The following OPRM1 variants were observed in gnomAD, a reference collection of about 807,000 sequenced individuals.
The protein encoded by OPRM1 is mu-type opioid receptor.
OPRM1 carries 27 observed loss-of-function variants against 31.8 expected under a neutral mutation model. The ratio of observed to expected loss-of-function variants is 0.85; its 90% confidence interval spans 0.63 to 1.17. OPRM1 has a LOEUF of 1.17. Ranked by LOEUF, OPRM1 falls within the 50% of genes most tolerant of loss-of-function variation. The probability of loss-of-function intolerance (pLI) is 0.00; values close to 1 mark genes in which losing one functional copy is unlikely to be tolerated. For missense variants in OPRM1, 536 were observed against 511.1 expected (o/e 1.05, Z -0.47); for synonymous variants, 196 against 189.9 (o/e 1.03, Z -0.26).
At chr6:154,094,993 A>T (rs1446003809) in intron 3 of OPRM1, among the ~76,000 whole-genome samples, 1 of 152,198 alleles carries the variant, frequency 6.6e-6, no homozygotes, top group East Asian at 1.9e-4. Flanking sequence ...CTAGCACATT[A>T]AAAAGAAAGT....
chr6:154,065,309 C>T (rs1785175501), intron 1 of OPRM1, among the ~76,000 whole-genome samples: 1 of 151,986 alleles, frequency 6.6e-6, no homozygotes, highest in African/African-American at 2.4e-5. Flanking sequence ...GCCACCATGC[C>T]TAGCTAATTT....
At chr6:154,079,188 TG>T (rs1788554635) in intron 1 of OPRM1, among the ~76,000 whole-genome samples, 1 of 152,230 alleles carries the variant, frequency 6.6e-6, no homozygotes, top group Admixed American at 6.5e-5. Flanking sequence ...ACCTCTCGCC[TG>T]ACTGGAATTC....
At chr6:154,015,667 TAA>T (rs918216283) in intron 1 of OPRM1, among the ~76,000 whole-genome samples, 1 of 151,394 alleles carries the variant, frequency 6.6e-6, no homozygotes, top group Non-Finnish European at 1.5e-5. Context: ...ATACATAAAA[TAA>T]AAAGATATTT....
At position 154,127,439 on chromosome 6, in the gene OPRM1, C is replaced by T. The variant is rs1797655648; in HGVS notation, c.*8718C>T. On this transcript the variant is annotated 3_prime_UTR_variant, in exon 4 of 4. Transcript: ENST00000330432. Reference sequence around the variant, plus strand: ...GAGGTTTTGTTTGGGTTTTTTGTTGCTGTTGCTTGTTTATTTGTTTGTTGT... The same window carrying T: ...GAGGTTTTGTTTGGGTTTTTTGTTGTTGTTGCTTGTTTATTTGTTTGTTGT... 6.6e-6 allele frequency among the ~76,000 whole-genome samples: 1 copy of T among 152,052 alleles called. No individual in the cohort carries two copies. The highest frequency in any genetic ancestry group is 1.5e-5 in the Non-Finnish European group (1 of 68,010).
chr6:154,147,740 G>A (rs1398157564), intron 3 of OPRM1, among the ~76,000 whole-genome samples: 1 of 152,168 alleles, frequency 6.6e-6, no homozygotes, highest in Non-Finnish European at 1.5e-5. Context: ...TAAGTGTCAG[G>A]CATAGGTTTA....
intron 3 of OPRM1, chr6:154,199,541 C>A: frequency 3.6e-6 from 4 of 1,121,210 alleles, no homozygotes; most frequent in Non-Finnish European, 4.9e-6. Context: ...CTGGGCATAG[C>A]CCCACTTGAC....
intron 3 of OPRM1, among the ~76,000 whole-genome samples, chr6:154,114,101 T>C (rs1433945245): frequency 6.6e-6 from 1 of 152,170 alleles, no homozygotes; most frequent in Non-Finnish European, 1.5e-5. Context: ...CAGTCATATA[T>C]GGCAGACTTT....
At chr6:154,187,295 A>G (rs970241604) in intron 3 of OPRM1, among the ~76,000 whole-genome samples, 15 of 152,088 alleles carry the variant, frequency 9.9e-5, no homozygotes, top group Non-Finnish European at 1.9e-4. Flanking sequence ...GCCTCTTGTA[A>G]AAAAAGCATG....
chr6:154,058,791 T>C (rs1783835121), intron 1 of OPRM1, among the ~76,000 whole-genome samples: 1 of 152,146 alleles, frequency 6.6e-6, no homozygotes, highest in Non-Finnish European at 1.5e-5. Context: ...GATTCCATAC[T>C]AACAATCCTT....
At chr6:154,035,299 T>C (rs148994724), upstream of OPRM1, among the ~76,000 whole-genome samples, 5 of 152,268 alleles carry the variant, frequency 3.3e-5, no homozygotes, top group East Asian at 9.6e-4. Flanking sequence ...TGAGGAGTTT[T>C]TTGCTTTCAT....
rs116263312 is a variant in OPRM1, at chr6:154,169,189, G to A, written c.1165-77504G>A. ...CACACTTGACAACATGGTAAAACCCGTTGTCTACTAAAATACAAAAAATTA... is the reference window on the plus strand; with the variant it reads ...CACACTTGACAACATGGTAAAACCCATTGTCTACTAAAATACAAAAAATTA... On this transcript the variant is annotated intron_variant, in intron 3 of 3. Coordinates refer to the OPRM1 transcript ENST00000337049. 3.0e-3 allele frequency among the ~76,000 whole-genome samples: 452 copies of A among 152,112 alleles called. 2 individuals are homozygous for A. Among genetic ancestry groups the A allele is most frequent in the African/African-American group, 0.01 (424 of 41,516 alleles).
intron 1 of OPRM1, among the ~76,000 whole-genome samples, chr6:154,071,192 G>A (rs891373565): frequency 5.3e-5 from 8 of 152,202 alleles, no homozygotes; most frequent in African/African-American, 1.9e-4. Flanking sequence ...CCAGCTAAAG[G>A]CACAGTGTGT....
At chr6:154,075,129 A>G (rs1787588947) in intron 1 of OPRM1, among the ~76,000 whole-genome samples, 1 of 152,106 alleles carries the variant, frequency 6.6e-6, no homozygotes, top group South Asian at 2.1e-4. Flanking sequence ...GAATAGAATA[A>G]GAGTTTTCAT....
In OPRM1 at chr6:154,089,826, A is replaced by C. The variant is rs867852017; in HGVS notation, c.291A>C (p.Arg97Ser). Residue 97 changes from arginine (R) to serine (S), a missense_variant and splice_region_variant, in exon 2 of 4, where the codon AGA becomes AGC. Transcript: ENST00000330432. ...GNFLVMYVIV[R>S]YTKMKTATNI... Reference sequence around the variant, plus strand: ...TCACTCTTCTTCCTTTATCTCCTAGATACACCAAGATGAAGACTGCCACCA... The same window carrying C: ...TCACTCTTCTTCCTTTATCTCCTAGCTACACCAAGATGAAGACTGCCACCA... 6 of 1,606,872 alleles carry C rather than the reference A, an allele frequency of 3.7e-6. No homozygotes were observed. Among genetic ancestry groups the C allele is most frequent in the Middle Eastern group, 1.7e-4 (1 of 6,046 alleles).
downstream of OPRM1, among the ~76,000 whole-genome samples, chr6:154,135,255 G>A (rs1748627214): frequency 2.0e-5 from 3 of 152,080 alleles, no homozygotes; most frequent in South Asian, 6.2e-4. Context: ...GATCACCTGA[G>A]GTCCGGAGTT....
chr6:154,072,900 C>G (rs535317072), intron 1 of OPRM1, among the ~76,000 whole-genome samples: 1 of 152,322 alleles, frequency 6.6e-6, no homozygotes, highest in Non-Finnish European at 1.5e-5. Context: ...ACACGGATAC[C>G]AGCCCCTTTA....
chr6:154,138,780 T>C (rs1798126307), intron 3 of OPRM1, among the ~76,000 whole-genome samples: 3 of 152,292 alleles, frequency 2.0e-5, no homozygotes, highest in South Asian at 2.1e-4. Flanking sequence ...CGACTAACAT[T>C]AGCCACAAGA....
chr6:154,120,638 C>T lies in OPRM1; in HGVS notation c.*1917C>T, dbSNP rs530673113. On this transcript the variant is annotated 3_prime_UTR_variant, in exon 4 of 4. Coordinates refer to ENST00000330432, the MANE Select transcript of OPRM1 (RefSeq NM_000914.5). ...TAAAATGGATAATTCAAACAGAACA[C>T]AATGTAATATTTGTATGTAAATAAC... Among the ~76,000 whole-genome samples the T allele has an allele frequency of 3.4e-4, 52 of 152,170 alleles. No homozygotes were observed. Among genetic ancestry groups the T allele is most frequent in the African/African-American group, 1.2e-3 (50 of 41,524 alleles).
intron 1 of OPRM1, among the ~76,000 whole-genome samples, chr6:154,068,496 A>G (rs1411014018): frequency 6.6e-6 from 1 of 152,156 alleles, no homozygotes; most frequent in Non-Finnish European, 1.5e-5. Flanking sequence ...ACTCAACATT[A>G]TGTCCTCCAG....
Sources: allele counts gnomAD v4.1 joint callset (sites outside exome capture counted in the v4.1 genomes callset), GRCh38; gene constraint gnomAD v4.1.1; transcripts MANE v1.5; gene names NCBI Gene and HGNC (gene_info 2026-07-23, HGNC 2026-07-21).